Variants in PPP3CA observed in about 807,000 individuals in gnomAD.
PPP3CA encodes CAM-PRP catalytic subunit.
In PPP3CA, 14 loss-of-function variants were observed where a neutral mutation model predicts 66.5. That is an observed-to-expected ratio of 0.21 (90% CI 0.14 to 0.33). The LOEUF (loss-of-function observed/expected upper bound fraction) is 0.33. Among genes scored for constraint, PPP3CA ranks in the 10% least tolerant of loss-of-function variants. The pLI is 1.00. For synonymous variants in PPP3CA, 232 were observed against 226.2 expected (o/e 1.03, Z -0.23); for missense variants, 317 against 639.5 (o/e 0.50, Z 5.44).
At chr4:101,046,695 G>C (rs1388331673) in intron 10 of PPP3CA, among the ~76,000 whole-genome samples, 1 of 151,974 alleles carries the variant, frequency 6.6e-6, no homozygotes, top group Non-Finnish European at 1.5e-5. Flanking sequence ...TATTCTACTT[G>C]AAAGTAAAAT....
chr4:101,208,247 A>ACC (rs1431152642), intron 1 of PPP3CA, among the ~76,000 whole-genome samples: 1 of 152,170 alleles, frequency 6.6e-6, no homozygotes, highest in East Asian at 1.9e-4. Context: ...ACACACACAC[A>ACC]CAATCAGATG....
intron 1 of PPP3CA, among the ~76,000 whole-genome samples, chr4:101,234,496 CT>C (rs1286577955): frequency 2.0e-5 from 3 of 151,588 alleles, no homozygotes; most frequent in East Asian, 1.9e-4. Flanking sequence ...TGATATTGAG[CT>C]TTTTTTCATA....
chr4:101,140,503 C>A (rs1722768708), intron 2 of PPP3CA, among the ~76,000 whole-genome samples: 1 of 152,128 alleles, frequency 6.6e-6, no homozygotes. Flanking sequence ...GCCTTGAGGA[C>A]ACTTTCTTTT....
chr4:101,033,420 A>G (rs761859690), intron 11 of PPP3CA, among the ~76,000 whole-genome samples: 28 of 152,128 alleles, frequency 1.8e-4, no homozygotes, highest in Non-Finnish European at 2.4e-4. Flanking sequence ...ACTTCTCCCC[A>G]TAACCTGCTG....
In PPP3CA at chr4:101,025,694, T is replaced by G. The variant is rs1726602217; in HGVS notation, c.*171A>C. 1 of 509,582 alleles carries G rather than the reference T, an allele frequency of 2.0e-6. No individual in the cohort carries two copies. Among genetic ancestry groups the G allele is most frequent in the Non-Finnish European group, 3.4e-6 (1 of 298,282 alleles). The allele number at this position is 509,582 out of a possible 1,614,324, so 31.6% of individuals were successfully genotyped here. A position where few individuals can be genotyped will look rare whatever the true frequency, so the allele number is the denominator to read the frequency against. On this transcript the variant is annotated 3_prime_UTR_variant, in exon 14 of 14. Coordinates refer to ENST00000394854, the MANE Select transcript of PPP3CA (RefSeq NM_000944.5). ...CCACCAAAATATAGTTTATTATCTC[T>G]CTCCCTCTTTTTTAATGATAGTGTA...
At chr4:101,339,831 C>T (rs1729752238) in intron 1 of PPP3CA, among the ~76,000 whole-genome samples, 2 of 152,098 alleles carry the variant, frequency 1.3e-5, no homozygotes, top group South Asian at 4.1e-4. Flanking sequence ...TATGCAGCAA[C>T]CAAGACACAT....
chr4:101,106,467 A>AAG (rs1730746443), intron 3 of PPP3CA, among the ~76,000 whole-genome samples: 1 of 49,926 alleles, frequency 2.0e-5, no homozygotes, highest in African/African-American at 1.7e-4. Flanking sequence ...AAAGAAAAGA[A>AAG]AAGAAAAGAA....
At chr4:101,249,275 G>A (rs1027797253) in intron 1 of PPP3CA, among the ~76,000 whole-genome samples, 6 of 151,860 alleles carry the variant, frequency 4.0e-5, no homozygotes, top group African/African-American at 1.5e-4. Flanking sequence ...TTACAGACAC[G>A]TTATCCACCT....
At position 101,335,779 on chromosome 4, in the gene PPP3CA, AG is replaced by A. The variant is rs1729610818; in HGVS notation, c.58+10959del. Among the ~76,000 whole-genome samples the A allele has an allele frequency of 2.6e-5, 4 of 152,144 alleles. No individual in the cohort carries two copies. The South Asian group carries it at 8.3e-4, about 32-fold the overall frequency. Reference sequence around the variant, plus strand: ...CACAGAAGGGCAAGCAAGAGTACCAAGGAAGAGAGCACAAGATGCTGGAGGT... The same window carrying A: ...CACAGAAGGGCAAGCAAGAGTACCAAGAAGAGAGCACAAGATGCTGGAGGT... On this transcript the variant is annotated intron_variant, in intron 1 of 13. Transcript: ENST00000394854.
At chr4:101,097,657 T>C (rs964470221) in intron 5 of PPP3CA, among the ~76,000 whole-genome samples, 7 of 152,156 alleles carry the variant, frequency 4.6e-5, no homozygotes, top group Non-Finnish European at 8.8e-5. Flanking sequence ...CAATCAGAGT[T>C]AGAAACATAC....
At chr4:101,185,329 G>A (rs775592365) in intron 2 of PPP3CA, among the ~76,000 whole-genome samples, 14 of 152,130 alleles carry the variant, frequency 9.2e-5, no homozygotes, top group Non-Finnish European at 1.8e-4. Context: ...AGGACCAACA[G>A]GAACTGAGGT....
chr4:101,334,880 T>C (rs1306465423), intron 1 of PPP3CA, among the ~76,000 whole-genome samples: 8 of 152,152 alleles, frequency 5.3e-5, no homozygotes, highest in Admixed American at 4.6e-4. Context: ...CAGATTCTAA[T>C]GAACCACTAT....
chr4:101,239,834 G>T (rs909502663), intron 1 of PPP3CA, among the ~76,000 whole-genome samples: 1 of 151,884 alleles, frequency 6.6e-6, no homozygotes, highest in Non-Finnish European at 1.5e-5. Context: ...TTACATCAGG[G>T]ATTCCATAGG....
intron 1 of PPP3CA, among the ~76,000 whole-genome samples, chr4:101,345,050 A>G (rs964502619): frequency 3.3e-5 from 5 of 152,214 alleles, no homozygotes; most frequent in African/African-American, 1.2e-4. Flanking sequence ...GACTGTTTCC[A>G]TGAAAATCCA....
intron 1 of PPP3CA, among the ~76,000 whole-genome samples, chr4:101,301,544 G>A (rs1728377538): frequency 7.0e-6 from 1 of 142,858 alleles, no homozygotes; most frequent in African/African-American, 2.6e-5. Flanking sequence ...CCAGGCTGAA[G>A]TGCAGTGACA....
intron 2 of PPP3CA, among the ~76,000 whole-genome samples, chr4:101,136,973 A>G (rs887764477): frequency 2.8e-4 from 43 of 152,300 alleles, no homozygotes; most frequent in African/African-American, 1.0e-3. Flanking sequence ...TGAGCGGGCA[A>G]TGACAACTAT....
At chr4:101,112,190 G>GA (rs987166772) in intron 2 of PPP3CA, among the ~76,000 whole-genome samples, 32 of 149,996 alleles carry the variant, frequency 2.1e-4, no homozygotes, top group South Asian at 6.3e-4. Flanking sequence ...CAGCCAGAAT[G>GA]AAAAAAAAAT....
intron 1 of PPP3CA, among the ~76,000 whole-genome samples, chr4:101,205,321 A>T (rs1200505157): frequency 1.3e-5 from 2 of 152,094 alleles, no homozygotes; most frequent in South Asian, 4.2e-4. Context: ...CATTTTTAAA[A>T]ATTTATTTAT....
intron 1 of PPP3CA, among the ~76,000 whole-genome samples, chr4:101,320,478 G>A (rs190418058): frequency 3.5e-5 from 4 of 114,308 alleles, no homozygotes; most frequent in African/African-American, 1.5e-4. Flanking sequence ...GTATGTATGT[G>A]TGTGTGTGTG....
Sources: allele counts gnomAD v4.1 joint callset (sites outside exome capture counted in the v4.1 genomes callset), GRCh38; gene constraint gnomAD v4.1.1; transcripts MANE v1.5; gene names NCBI Gene and HGNC (gene_info 2026-07-23, HGNC 2026-07-21).